POGZ: variants seen among roughly 807,000 people sequenced by gnomAD.
The protein encoded by POGZ is pogo transposable element derived with ZNF domain, also known as pogo transposable element with ZNF domain.
In POGZ, 17 loss-of-function variants were observed where a neutral mutation model predicts 134.6. That is an observed-to-expected ratio of 0.13 (90% confidence interval 0.09 to 0.19). POGZ has a LOEUF of 0.19. Ranked by LOEUF, POGZ falls within the 10% of genes least tolerant of loss-of-function variation. The pLI is 1.00. For synonymous variants in POGZ, 693 were observed against 657.1 expected, an observed-to-expected ratio of 1.05 and a Z score of -0.84; for missense variants, 1,306 against 1,769.7, an observed-to-expected ratio of 0.74 and a Z score of 4.70.
chr1:151,429,532 G>T, intron 5 of POGZ, 71 bp downstream of exon 5: 1 of 719,790 alleles, frequency 1.4e-6, no homozygotes, highest in Non-Finnish European at 2.4e-6. Context: ...AATGACTTAG[G>T]ATATTTAGAA....
intron 3 of POGZ, among the ~76,000 whole-genome samples, chr1:151,434,528 C>T (rs1323909891): frequency 6.6e-6 from 1 of 152,152 alleles, no homozygotes; most frequent in Non-Finnish European, 1.5e-5. Context: ...AAACAATCCA[C>T]CTCAGTGACA....
In POGZ at chr1:151,424,240, A is replaced by T; in HGVS notation, c.1232T>A (p.Leu411Gln). The part of the protein sequence containing the change: ...MVEYQKKGKS[L>Q]DSEPSVPSAA... ...TGATGGGACACTGGGTTCTGAATCC[A>T]GGGACTTTCCTTTCTTCTGGTATTC... The change falls in exon 9 of 19, where the codon CTG becomes CAG. Residue 411 changes from leucine to glutamine, a missense_variant. Physicochemically the swap from Leu to Gln is moderately radical, Grantham distance 113. Transcript: ENST00000271715. 1 of 1,610,348 alleles carries T rather than the reference A, an allele frequency of 6.2e-7. No individual in the cohort carries two copies. The highest frequency in any genetic ancestry group is 8.5e-7 in the Non-Finnish European group (1 of 1,178,220).
In POGZ at chr1:151,406,456, T is replaced by C. The variant is rs1276204339; in HGVS notation, c.2579A>G (p.Gln860Arg). ...CCGGTCATGCACTCGGTCACGAGTC[T>C]GGCCATGCCTAAAGGGGTGAGGAGC... ...LTWIAHSRHG[Q>R]TRDRVHDRNV... Residue 860 changes from glutamine (Q) to arginine (R), a missense_variant, in exon 19 of 19, where the codon CAG (glutamine) becomes CGG (arginine). By Grantham distance (43) the Gln-to-Arg change is conservative. Transcript: ENST00000271715. 1.0e-5 allele frequency: 16 copies of C among 1,551,662 alleles called. No individual in the cohort carries two copies. Among genetic ancestry groups the C allele is most frequent in the Non-Finnish European group, 1.4e-5 (16 of 1,152,538 alleles).
intron 1 of POGZ, among the ~76,000 whole-genome samples, chr1:151,451,934 T>A (rs1662138738): frequency 6.6e-6 from 1 of 151,198 alleles, no homozygotes; most frequent in East Asian, 2.0e-4. Context: ...CAGTCTCTAC[T>A]AAAAATACAA....
Position 151,430,947 on chromosome 1 carries a change from T to G in POGZ, c.284-106A>C, listed in dbSNP as rs923019612. 12 of 308,826 alleles carry G rather than the reference T, an allele frequency of 3.9e-5. No individual in the cohort carries two copies. In the Admixed American group the frequency reaches 5.3e-4, roughly 14 times the overall value. The allele number at this position is 308,826 out of a possible 1,614,324, so 19.1% of individuals were successfully genotyped here. A position where few individuals can be genotyped will look rare whatever the true frequency, so the allele number is the denominator to read the frequency against. On this transcript the variant is annotated intron_variant, in intron 3 of 18. Coordinates refer to ENST00000271715, the MANE Select transcript of POGZ (RefSeq NM_015100.4). The stretch of plus-strand genomic sequence containing the variant: ...TATTTTATTTTATTTTATTTTATTT[T>G]ATTTGATACAGGGTCTCACACTCTG...
chr1:151,444,110 T>C (rs1035977687), intron 1 of POGZ, among the ~76,000 whole-genome samples: 1 of 152,212 alleles, frequency 6.6e-6, no homozygotes, highest in African/African-American at 2.4e-5. Flanking sequence ...AGGGGCACTC[T>C]GGGTTTTAAT....
intron 10 of POGZ, among the ~76,000 whole-genome samples, chr1:151,418,501 AG>A (rs1656193730): frequency 6.6e-6 from 1 of 152,210 alleles, no homozygotes; most frequent in South Asian, 2.1e-4. Context: ...GTTTGAAAGA[AG>A]AAATAAGACC....
rs1571374198 is a variant in POGZ, at chr1:151,414,938, G to C, written c.1679-2542C>G. 2.0e-5 allele frequency among the ~76,000 whole-genome samples: 3 copies of C among 152,290 alleles called. No homozygotes were observed. In the East Asian group the frequency reaches 5.8e-4, roughly 29 times the overall value. ...CAGAAAAAGATTCAAGAGGGAAAAT[G>C]AATTGATTCTCCATGGTGGCTGTCC... On this transcript the variant is annotated intron_variant, in intron 10 of 18. Transcript: ENST00000271715.
At chr1:151,441,236 T>TCCTACTTAAC in intron 2 of POGZ, 150 bp from the exon 3 acceptor site, 1 of 583,750 alleles carries the variant, frequency 1.7e-6, no homozygotes, top group Admixed American at 3.1e-5. Context: ...TGATTTCTCC[T>TCCTACTTAAC]CCTACTTAAC....
In POGZ at chr1:151,440,990, C is replaced by A; in HGVS notation, c.221G>T (p.Ser74Ile). 6.2e-7 allele frequency: 1 copy of A among 1,613,996 alleles called. No individual in the cohort carries two copies. Among genetic ancestry groups the A allele is most frequent in the Non-Finnish European group, 8.5e-7 (1 of 1,179,896 alleles). ...HLSTSTTVSS[S>I]GAQNSDSTKK... ...TGTACTGTCGCTGTTCTGTGCCCCG[C>A]TGCTACTAACGGTGGTGGATGTAGA... is the stretch of plus-strand genomic sequence containing the variant. The change falls in exon 3 of 19, where the codon AGC becomes ATC. Residue 74 changes from serine (S) to isoleucine (I), a missense_variant. By Grantham distance (142) the Ser-to-Ile change is moderately radical (BLOSUM62 -2). Transcript: ENST00000271715.
chr1:151,440,949 T>C lies in POGZ; in HGVS notation c.262A>G (p.Thr88Ala). Residue 88 changes from threonine to alanine, a missense_variant, in exon 3 of 19, where the codon ACA (threonine) becomes GCA (alanine). Physicochemically the swap from Thr to Ala is moderately conservative, Grantham distance 58 (BLOSUM62 0). Around this residue, in one of 10 missense-constraint regions of POGZ, gnomAD observed 541 missense variants for 680.5 expected, o/e 0.80. Coordinates refer to ENST00000271715, the MANE Select transcript of POGZ (RefSeq NM_015100.4). ...TTACCATTGTTGTTGGCAATTAGTG[T>C]GACAAGAGTCTTCTTTGTACTGTCG... ...NSDSTKKTLV[T>A]LIANNNAGNP... 1 of 1,613,668 alleles carries C rather than the reference T, an allele frequency of 6.2e-7. No homozygotes were observed. The highest frequency in any genetic ancestry group is 8.5e-7 in the Non-Finnish European group (1 of 1,179,628).
chr1:151,422,144 T>C (rs1022564007), intron 10 of POGZ, among the ~76,000 whole-genome samples: 1 of 152,220 alleles, frequency 6.6e-6, no homozygotes, highest in African/African-American at 2.4e-5. Flanking sequence ...ATCATGCTGT[T>C]TTCAATCACC....
intron 12 of POGZ, among the ~76,000 whole-genome samples, chr1:151,409,728 C>T (rs1654332968): frequency 1.3e-5 from 2 of 152,002 alleles, no homozygotes; most frequent in Non-Finnish European, 2.9e-5. Flanking sequence ...GATCCTCCCA[C>T]CTCAGCCCTC....
intron 1 of POGZ, among the ~76,000 whole-genome samples, chr1:151,457,802 C>A (rs1662950861): frequency 6.6e-6 from 1 of 152,120 alleles, no homozygotes; most frequent in Non-Finnish European, 1.5e-5. Context: ...TAGCACATGC[C>A]TGTAATCCCA....
At chr1:151,406,553 C>T in intron 18 of POGZ, 54 bp downstream of exon 18, 1 of 1,551,452 alleles carries the variant, frequency 6.4e-7, no homozygotes, top group Non-Finnish European at 8.7e-7. Context: ...ATAATAATAA[C>T]AGAGTAAACA....
chr1:151,447,642 ATTTTT>A (rs35308281), intron 1 of POGZ, among the ~76,000 whole-genome samples: 6 of 52,988 alleles, frequency 1.1e-4, no homozygotes, highest in Admixed American at 2.6e-4. Flanking sequence ...TGTCTGGCTA[ATTTTT>A]TTTTTTTTTT....
rs1247327539 is a variant in POGZ at position 151,429,684 on chromosome 1, C to T, written c.487G>A (p.Val163Ile). Residue 163 changes from valine (V) to isoleucine (I), a missense_variant, in exon 5 of 19, where the codon GTA becomes ATA. By Grantham distance (29) the Val-to-Ile change is conservative. Coordinates refer to ENST00000271715, the MANE Select transcript of POGZ (RefSeq NM_015100.4). ...CCAACCTGATTCATTGCATTTTGTA[C>T]AGGCCGGACATTCCTTACAGGAAAT... is the stretch of plus-strand genomic sequence containing the variant. ...QGFPVRNVRP[V>I]QNAMNQVGIV... 10 of 1,612,382 alleles carry T rather than the reference C, an allele frequency of 6.2e-6. No homozygotes were observed. Among genetic ancestry groups the T allele is most frequent in the Non-Finnish European group, 8.5e-6 (10 of 1,178,598 alleles).
intron 1 of POGZ, among the ~76,000 whole-genome samples, chr1:151,457,007 T>C (rs6587582): frequency 0.021 from 3,160 of 152,296 alleles, 103 homozygotes; most frequent in African/African-American, 0.072. Flanking sequence ...GAACCATCAG[T>C]GTATCAGTGA....
At position 151,403,862 on chromosome 1, in the gene POGZ, C is replaced by A; in HGVS notation, c.*940G>T. 1 of 985,440 alleles carries A rather than the reference C, an allele frequency of 1.0e-6. No homozygotes were observed. Among genetic ancestry groups the A allele is most frequent in the African/African-American group, 1.7e-5 (1 of 57,356 alleles). 61.0% of individuals were successfully genotyped at this position (985,440 alleles called of 1,614,324 possible). ...GAAGTTCAGTAAAGCAGGGACTGCCCCTGGGGGCTTACAGGATGAAGACTC... is the reference window on the plus strand; with the variant it reads ...GAAGTTCAGTAAAGCAGGGACTGCCACTGGGGGCTTACAGGATGAAGACTC... On this transcript the variant is annotated 3_prime_UTR_variant, in exon 19 of 19. Coordinates refer to ENST00000271715, the MANE Select transcript of POGZ (RefSeq NM_015100.4).
Sources: allele counts gnomAD v4.1 joint callset (sites outside exome capture counted in the v4.1 genomes callset), GRCh38; gene constraint gnomAD v4.1.1; regional missense constraint gnomAD v4.1.1; transcripts MANE v1.5; gene names NCBI Gene and HGNC (gene_info 2026-07-23, HGNC 2026-07-21).